AMDHD2: variants seen among roughly 807,000 people sequenced by gnomAD.
AMDHD2 encodes the protein amidohydrolase domain containing 2.
In AMDHD2, 24 loss-of-function variants were observed where a neutral mutation model predicts 41.8. The observed-to-expected ratio is 0.57, with a 90% confidence interval of 0.42 to 0.81. The LOEUF (loss-of-function observed/expected upper bound fraction) is 0.81, where lower values mean the gene tolerates loss of function less well. Ranked by LOEUF, AMDHD2 falls within the 30% of genes least tolerant of loss-of-function variation. The probability of loss-of-function intolerance (pLI) is 0.00; values close to 1 mark genes in which losing one functional copy is unlikely to be tolerated. For synonymous variants in AMDHD2, 332 were observed against 255.5 expected (o/e 1.30, Z -2.85); for missense variants, 540 against 588.5 (o/e 0.92, Z 0.85).
Position 2,530,159 on chromosome 16 carries a change from C to G in AMDHD2, c.*596C>G. The G allele has an allele frequency of 2.1e-6, 3 of 1,442,206 alleles. No homozygotes were observed. Among genetic ancestry groups the G allele is most frequent in the Non-Finnish European group, 2.7e-6 (3 of 1,093,760 alleles). The allele number at this position is 1,442,206 out of a possible 1,614,324, so 89.3% of individuals were successfully genotyped here. On this transcript the variant is annotated 3_prime_UTR_variant, in exon 11 of 11. Transcript: ENST00000293971. The stretch of plus-strand genomic sequence containing the variant: ...AGGAGGGAGACTGGGCCCGGGACCC[C>G]TGTTTTCTGCTCCCTGGACTGCCTA...
rs1218196122 is a variant in AMDHD2, at chr16:2,529,711, A to G, written c.*148A>G. On this transcript the variant is annotated 3_prime_UTR_variant, in exon 11 of 11. Transcript: ENST00000293971. ...GGCCGCCCTGGAGGCGGTGGCTGGG[A>G]TAAACGTGCACCCAGCAGGACTCGC... is the stretch of plus-strand genomic sequence containing the variant. 6.8e-7 allele frequency: 1 copy of G among 1,476,000 alleles called. No individual in the cohort carries two copies. Among genetic ancestry groups the G allele is most frequent in the African/African-American group, 1.4e-5 (1 of 71,664 alleles). The allele number at this position is 1,476,000 out of a possible 1,614,324, so 91.4% of individuals were successfully genotyped here.
At chr16:2,525,121 A>ATC (rs1205931604) in intron 3 of AMDHD2, among the ~76,000 whole-genome samples, 1 of 151,406 alleles carries the variant, frequency 6.6e-6, no homozygotes, top group Admixed American at 6.6e-5. Context: ...CAATGGTGTG[A>ATC]TCTCTGCTCA....
At chr16:2,529,220 G>T (rs2066051369) in intron 10 of AMDHD2, 125 bp downstream of exon 10, 1 of 1,106,436 alleles carries the variant, frequency 9.0e-7, no homozygotes. Context: ...CAGGTGGGCT[G>T]CCGGCTGCCA....
At chr16:2,522,828 A>G (rs2065959047) in intron 3 of AMDHD2, among the ~76,000 whole-genome samples, 1 of 148,172 alleles carries the variant, frequency 6.7e-6, no homozygotes. Flanking sequence ...ATGCCTGTTT[A>G]TTCCTTAGTA....
chr16:2,527,257 C>T lies in AMDHD2; in HGVS notation c.361-304C>T, dbSNP rs2066015554. ...CCAGGGTCCCTGCTGCTCCCAGGAG[C>T]CTCCTGCCTCCCAGCCCTGCTCCCT... On this transcript the variant is annotated intron_variant, in intron 3 of 10. Transcript: ENST00000293971. The surrounding 1 kb of genome is among the most constrained non-coding windows in gnomAD (Gnocchi z 6.1). 6.1e-6 allele frequency: 3 copies of T among 495,042 alleles called. No individual in the cohort carries two copies. The highest frequency in any genetic ancestry group is 1.1e-5 in the Non-Finnish European group (3 of 278,772). The allele number at this position is 495,042 out of a possible 1,614,324, so 30.7% of individuals were successfully genotyped here. A position where few individuals can be genotyped will look rare whatever the true frequency, so the allele number is the denominator to read the frequency against.
chr16:2,530,374 C>T lies in AMDHD2; in HGVS notation c.*811C>T, dbSNP rs536394645. 49 of 1,614,186 alleles carry T rather than the reference C, an allele frequency of 3.0e-5. No individual in the cohort carries two copies. In the Admixed American group the frequency reaches 6.2e-4, roughly 20 times the overall value. On this transcript the variant is annotated 3_prime_UTR_variant, in exon 11 of 11. Transcript: ENST00000293971. ...CTGCCATCTTCTGTGTCCCCTTGGC[C>T]CTGGCACACACCCATGTGGCAAACA... is the stretch of plus-strand genomic sequence containing the variant.
At chr16:2,521,288 T>A (rs1429253404) in intron 3 of AMDHD2, among the ~76,000 whole-genome samples, 165 bp downstream of exon 3, 1 of 149,444 alleles carries the variant, frequency 6.7e-6, no homozygotes. Flanking sequence ...CCTGTGCTTC[T>A]TTATCAGTTG....
rs747363750 is a variant in AMDHD2 at position 2,531,193 on chromosome 16, C to G, written c.*1630C>G. The G allele has an allele frequency of 1.2e-5, 16 of 1,301,330 alleles. 1 individual carries two copies. Among genetic ancestry groups the G allele is most frequent in the Non-Finnish European group, 1.6e-5 (15 of 956,104 alleles). The allele number at this position is 1,301,330 out of a possible 1,614,324, so 80.6% of individuals were successfully genotyped here. Reference sequence around the variant, plus strand: ...CTGGCCTGCCCCATTCACCGGCCAGCGCCCCACCTCCCTGGCTGGAGGGTC... The same window carrying G: ...CTGGCCTGCCCCATTCACCGGCCAGGGCCCCACCTCCCTGGCTGGAGGGTC... On this transcript the variant is annotated 3_prime_UTR_variant, in exon 11 of 11. Coordinates refer to ENST00000293971, the MANE Select transcript of AMDHD2 (RefSeq NM_001330449.2).
At chr16:2,522,011 C>T (rs750786818) in intron 3 of AMDHD2, among the ~76,000 whole-genome samples, 2 of 151,968 alleles carry the variant, frequency 1.3e-5, no homozygotes, top group Non-Finnish European at 2.9e-5. Flanking sequence ...GTCTCGATCT[C>T]CTGACCTCGT....
Position 2,529,640 on chromosome 16 carries a change from G to A in AMDHD2, c.*77G>A, listed in dbSNP as rs774812320. The A allele has an allele frequency of 6.3e-6, 10 of 1,591,216 alleles. No homozygotes were observed. Among genetic ancestry groups the A allele is most frequent in the Non-Finnish European group, 8.5e-6 (10 of 1,175,374 alleles). ...CGGGTGGTTGGGGAGCTGGTCTCCA[G>A]GGAGTGAGTCGGGAGCCCTGCTGGA... On this transcript the variant is annotated 3_prime_UTR_variant, in exon 11 of 11. Transcript: ENST00000293971.
Position 2,530,692 on chromosome 16 carries a change from TCTGGGCCCCAC to T in AMDHD2, c.*1133_*1143del. 1 of 1,614,116 alleles carries T rather than the reference TCTGGGCCCCAC, an allele frequency of 6.2e-7. No individual in the cohort carries two copies. Among genetic ancestry groups the T allele is most frequent in the South Asian group, 1.1e-5 (1 of 91,088 alleles). Reference sequence around the variant, plus strand: ...CTCCAGGTCCAAAGAGATAGGATGGTCTGGGCCCCACCTGTTGGAAGGGAACAGCCAGGGAA... The same window carrying T: ...CTCCAGGTCCAAAGAGATAGGATGGTCTGTTGGAAGGGAACAGCCAGGGAA... On this transcript the variant is annotated 3_prime_UTR_variant, in exon 11 of 11. Coordinates refer to ENST00000293971, the MANE Select transcript of AMDHD2 (RefSeq NM_001330449.2).
intron 9 of AMDHD2, 99 bp downstream of exon 9, chr16:2,528,817 C>T: frequency 5.1e-6 from 8 of 1,571,860 alleles, no homozygotes; most frequent in African/African-American, 1.4e-5. Flanking sequence ...GCTCTGCCCA[C>T]AGGAGCTCCT....
In AMDHD2 at chr16:2,527,427, T is replaced by TGAG; in HGVS notation, c.361-132_361-130dup. ...CCGGCTGTGCTTTCCCTGACCCCTG[T>TGAG]GAGGGGACAGGCGGCCGGGGCTGGG... On this transcript the variant is annotated intron_variant, in intron 3 of 10. Coordinates refer to ENST00000293971, the MANE Select transcript of AMDHD2 (RefSeq NM_001330449.2). This position sits in a 1 kb window ranked among gnomAD's most constrained non-coding sequence, Gnocchi z 6.1. The TGAG allele has an allele frequency of 3.4e-6, 3 of 891,528 alleles. No individual in the cohort carries two copies. Among genetic ancestry groups the TGAG allele is most frequent in the Non-Finnish European group, 5.3e-6 (3 of 565,036 alleles). 55.2% of individuals were successfully genotyped at this position (891,528 alleles called of 1,614,324 possible).
chr16:2,522,401 G>A (rs373207457), intron 3 of AMDHD2, among the ~76,000 whole-genome samples: 2 of 152,040 alleles, frequency 1.3e-5, no homozygotes, highest in Non-Finnish European at 2.9e-5. Flanking sequence ...AAGCTTTTTC[G>A]GCCGGGCGCG....
At chr16:2,526,098 T>C (rs953859608) in intron 3 of AMDHD2, among the ~76,000 whole-genome samples, 10 of 152,222 alleles carry the variant, frequency 6.6e-5, no homozygotes, top group African/African-American at 2.4e-4. Flanking sequence ...TCTGCTTCCC[T>C]GCCTGGCCCT....
rs1430981026 is a variant in AMDHD2 at position 2,520,999 on chromosome 16, A to G, written c.236A>G (p.Asp79Gly). 1 of 1,607,874 alleles carries G rather than the reference A, an allele frequency of 6.2e-7. No homozygotes were observed. Among genetic ancestry groups the G allele is most frequent in the Non-Finnish European group, 8.5e-7 (1 of 1,176,342 alleles). ...DVQINGGFGV[D>G]FSQATEDVGS... ...GTGGCTGCAGGTGGATTTGGTGTTGACTTCTCTCAAGCCACGGAGGACGTG... is the reference window on the plus strand; with the variant it reads ...GTGGCTGCAGGTGGATTTGGTGTTGGCTTCTCTCAAGCCACGGAGGACGTG... The change falls in exon 3 of 11, where the codon GAC becomes GGC. Residue 79 changes from aspartate (D) to glycine (G), a missense_variant. Transcript: ENST00000293971.
At position 2,529,591 on chromosome 16, in the gene AMDHD2, G is replaced by A; in HGVS notation, c.*28G>A. 1 of 1,603,850 alleles carries A rather than the reference G, an allele frequency of 6.2e-7. No individual in the cohort carries two copies. On this transcript the variant is annotated 3_prime_UTR_variant, in exon 11 of 11. Coordinates refer to ENST00000293971, the MANE Select transcript of AMDHD2 (RefSeq NM_001330449.2). ...AGGACCTCGGCTGAGAGGACACCTGGCCGCAGCGGGATGCCATCAGGGCCG... is the reference window on the plus strand; with the variant it reads ...AGGACCTCGGCTGAGAGGACACCTGACCGCAGCGGGATGCCATCAGGGCCG...
intron 3 of AMDHD2, among the ~76,000 whole-genome samples, chr16:2,525,728 T>C (rs1191322153): frequency 6.6e-6 from 1 of 152,090 alleles, no homozygotes; most frequent in African/African-American, 2.4e-5. Flanking sequence ...GTATTTTTAG[T>C]AGAGATGCGG....
chr16:2,521,273 C>A, intron 3 of AMDHD2, 150 bp downstream of exon 3: 2 of 1,111,998 alleles, frequency 1.8e-6, no homozygotes, highest in South Asian at 1.8e-5. Context: ...GGCCTGGGTC[C>A]CGCCCCTGTG....
Sources: allele counts gnomAD v4.1 joint callset (sites outside exome capture counted in the v4.1 genomes callset), GRCh38; gene constraint gnomAD v4.1.1; non-coding constraint Gnocchi (gnomAD v3.1); transcripts MANE v1.5; gene names NCBI Gene and HGNC (gene_info 2026-07-23, HGNC 2026-07-21).